Variants in GRIA2 observed in about 807,000 individuals in gnomAD.
The protein encoded by GRIA2 is glutamate receptor 2.
A neutral mutation model predicts 97.3 loss-of-function variants in GRIA2; 14 were observed. The ratio of observed to expected loss-of-function variants is 0.14; its 90% CI spans 0.10 to 0.23. The LOEUF (loss-of-function observed/expected upper bound fraction) is 0.23, where lower values mean the gene tolerates loss of function less well. GRIA2 is among the 10% of genes least tolerant of loss of function. The pLI is 1.00. For synonymous variants in GRIA2, 412 were observed against 387.8 expected (o/e 1.06, Z -0.73); for missense variants, 558 against 1,069.8 (o/e 0.52, Z 6.67).
chr4:157,348,806 T>A (rs549998962), intron 12 of GRIA2, among the ~76,000 whole-genome samples: 1 of 152,288 alleles, frequency 6.6e-6, no homozygotes, highest in African/African-American at 2.4e-5. Flanking sequence ...ATATGAATAT[T>A]TGCTTATATG....
chr4:157,347,801 G>A (rs182382438), intron 12 of GRIA2, among the ~76,000 whole-genome samples: 70 of 152,074 alleles, frequency 4.6e-4, no homozygotes, highest in South Asian at 3.1e-3. Flanking sequence ...AAGTATTATC[G>A]ACAAAATTTT....
intron 3 of GRIA2, among the ~76,000 whole-genome samples, chr4:157,306,093 A>G (rs559577717): frequency 6.6e-6 from 1 of 152,330 alleles, no homozygotes; most frequent in African/African-American, 2.4e-5. Context: ...TGCTTGCAAA[A>G]TTGAAGAATT....
chr4:157,347,817 T>C (rs1238506448), intron 12 of GRIA2, among the ~76,000 whole-genome samples: 1 of 152,148 alleles, frequency 6.6e-6, no homozygotes, highest in Non-Finnish European at 1.5e-5. Context: ...ATTTTGAACA[T>C]TCTTCAATTA....
intron 6 of GRIA2, among the ~76,000 whole-genome samples, chr4:157,323,776 T>A (rs1387072076): frequency 6.6e-6 from 1 of 152,154 alleles, no homozygotes; most frequent in African/African-American, 2.4e-5. Context: ...TGCATTCTGT[T>A]AAAAATTTTG....
chr4:157,350,979 T>A (rs1487216881), intron 12 of GRIA2, among the ~76,000 whole-genome samples: 1 of 149,256 alleles, frequency 6.7e-6, no homozygotes, highest in African/African-American at 2.5e-5. Flanking sequence ...AACATTGAAA[T>A]ACTGGTTCTA....
intron 2 of GRIA2, among the ~76,000 whole-genome samples, chr4:157,247,910 A>T (rs1352246567): frequency 6.6e-6 from 1 of 152,060 alleles, no homozygotes; most frequent in African/African-American, 2.4e-5. Context: ...TTAACTCTGG[A>T]TTACAAGACA....
intron 9 of GRIA2, 52 bp from the exon 10 acceptor site, chr4:157,335,619 A>G (rs956057916): frequency 3.8e-6 from 4 of 1,051,988 alleles, no homozygotes; most frequent in East Asian, 4.8e-5. Context: ...CAATGAGAGT[A>G]CATAATTAAC....
chr4:157,321,319 T>A, intron 5 of GRIA2, 119 bp from the exon 6 acceptor site: 1 of 703,852 alleles, frequency 1.4e-6, no homozygotes, highest in Admixed American at 2.6e-5. Context: ...TGCAGGCTTA[T>A]TATATCTCAT....
At chr4:157,268,253 T>C (rs141462649) in intron 2 of GRIA2, among the ~76,000 whole-genome samples, 4 of 152,162 alleles carry the variant, frequency 2.6e-5, no homozygotes, top group African/African-American at 7.2e-5. Flanking sequence ...ACAAGTTACA[T>C]ATGCCCAAGG....
At chr4:157,256,060 G>A (rs2126754176) in intron 2 of GRIA2, among the ~76,000 whole-genome samples, 1 of 147,892 alleles carries the variant, frequency 6.8e-6, no homozygotes, top group African/African-American at 2.5e-5. Flanking sequence ...GTGTATATGT[G>A]TGTGTAATAC....
chr4:157,319,974 T>C (rs1319613757), intron 5 of GRIA2, among the ~76,000 whole-genome samples: 2 of 151,942 alleles, frequency 1.3e-5, no homozygotes, highest in Non-Finnish European at 2.9e-5. Flanking sequence ...CCATAATGAA[T>C]TCCAGCATTA....
intron 2 of GRIA2, among the ~76,000 whole-genome samples, chr4:157,262,776 A>G (rs1396254436): frequency 6.6e-6 from 1 of 151,988 alleles, no homozygotes; most frequent in Non-Finnish European, 1.5e-5. Flanking sequence ...ATTAACCCCT[A>G]AAGAAAGGGG....
intron 6 of GRIA2, among the ~76,000 whole-genome samples, chr4:157,323,494 G>T (rs866049477): frequency 6.5e-4 from 98 of 151,872 alleles, no homozygotes; most frequent in African/African-American, 1.9e-3. Context: ...TCTAACTGCC[G>T]ATCCCATTCT....
chr4:157,322,819 T>C (rs1734635431), intron 6 of GRIA2, among the ~76,000 whole-genome samples: 2 of 152,200 alleles, frequency 1.3e-5, no homozygotes, highest in South Asian at 2.1e-4. Flanking sequence ...TACCTGAGTA[T>C]GCATCATAGA....
rs779128670 is a variant in GRIA2 at position 157,359,851 on chromosome 4, T to G, written c.2044-45T>G. On this transcript the variant is annotated intron_variant, in intron 12 of 15. Transcript: ENST00000264426. Reference sequence around the variant, plus strand: ...TTTTTGTGTTTTGTGAGTAATTTTTTAGGGCCATCTCTTAATGCTATCTGG... The same window carrying G: ...TTTTTGTGTTTTGTGAGTAATTTTTGAGGGCCATCTCTTAATGCTATCTGG... The G allele has an allele frequency of 1.9e-6, 3 of 1,563,440 alleles. No individual in the cohort carries two copies. In the South Asian group the frequency reaches 3.5e-5, roughly 18 times the overall value.
At chr4:157,294,620 T>C (rs1386800518) in intron 2 of GRIA2, among the ~76,000 whole-genome samples, 1 of 152,166 alleles carries the variant, frequency 6.6e-6, no homozygotes, top group African/African-American at 2.4e-5. Flanking sequence ...ACATTTTCCA[T>C]GAGAAAGTAT....
chr4:157,272,567 A>T (rs1387750533), intron 2 of GRIA2, among the ~76,000 whole-genome samples: 1 of 152,058 alleles, frequency 6.6e-6, no homozygotes, highest in East Asian at 1.9e-4. Context: ...CATCACTTTA[A>T]TGTGTTTCAC....
chr4:157,275,076 G>A (rs1482224595), intron 2 of GRIA2, among the ~76,000 whole-genome samples: 1 of 152,052 alleles, frequency 6.6e-6, no homozygotes, highest in African/African-American at 2.4e-5. Context: ...GGTGTGAGAT[G>A]GTATCTCATT....
rs1461369247 is a variant in GRIA2, at chr4:157,337,692, G to T, written c.1844+945G>T. 2.0e-5 allele frequency among the ~76,000 whole-genome samples: 3 copies of T among 151,620 alleles called. No homozygotes were observed. In the East Asian group the frequency reaches 5.8e-4, roughly 30 times the overall value. The stretch of plus-strand genomic sequence containing the variant: ...ATTGTAAATTTTTAAAATCACTTTT[G>T]AGAATAACAAGTGATTAATTTAAGA... On this transcript the variant is annotated intron_variant, in intron 11 of 15. Transcript: ENST00000264426.
Sources: allele counts gnomAD v4.1 joint callset (sites outside exome capture counted in the v4.1 genomes callset), GRCh38; gene constraint gnomAD v4.1.1; transcripts MANE v1.5; gene names NCBI Gene and HGNC (gene_info 2026-07-23, HGNC 2026-07-21).